NDUFS1: variants seen among roughly 807,000 people sequenced by gnomAD.
The protein encoded by NDUFS1 is NADH:ubiquinone oxidoreductase core subunit S1, also known as NADH-ubiquinone oxidoreductase 75 kDa subunit, mitochondrial.
In NDUFS1, 61 loss-of-function variants were observed where a neutral mutation model predicts 84.4. That is an observed-to-expected ratio of 0.72 (90% confidence interval 0.59 to 0.89). NDUFS1 has a LOEUF of 0.89. Ranked by LOEUF, NDUFS1 falls within the 40% of genes least tolerant of loss-of-function variation. The pLI, the probability that NDUFS1 is intolerant of heterozygous loss-of-function variation, is 0.00. For synonymous variants in NDUFS1, 275 were observed against 290.0 expected (o/e 0.95, Z 0.53); for missense variants, 891 against 890.0 (o/e 1.00, Z -0.01).
Position 206,121,174 on chromosome 2 carries a change from C to T in NDUFS1, c.*3011G>A, listed in dbSNP as rs1691084507. 6.6e-6 allele frequency: 1 copy of T among 152,152 alleles called. No individual in the cohort carries two copies. The highest frequency in any genetic ancestry group is 6.6e-5 in the Admixed American group (1 of 15,258). The allele number at this position is 152,152 out of a possible 1,614,324, so 9.4% of individuals were successfully genotyped here. ...GGAAATGGTATTATTATTCCAAGGT[C>T]TTTCTAGATTGCCTTATTCACCTAA... On this transcript the variant is annotated 3_prime_UTR_variant, in exon 19 of 19. Transcript: ENST00000233190.
intron 15 of NDUFS1, among the ~76,000 whole-genome samples, chr2:206,128,408 C>T (rs1691377482): frequency 1.3e-5 from 2 of 151,484 alleles, no homozygotes; most frequent in East Asian, 2.0e-4. Flanking sequence ...CCTTGTGATC[C>T]ACCCGCCTCA....
In NDUFS1 at chr2:206,127,784, T is replaced by G; in HGVS notation, c.1884+13A>C. 1.2e-6 allele frequency: 2 copies of G among 1,613,588 alleles called. 1 individual carries two copies. Among genetic ancestry groups the G allele is most frequent in the South Asian group, 2.2e-5 (2 of 91,058 alleles). ...TTTAGTAGCATCACTAAGAAATGACTCAGAAATTATACCTCAGAGAGTGCT... is the reference window on the plus strand; with the variant it reads ...TTTAGTAGCATCACTAAGAAATGACGCAGAAATTATACCTCAGAGAGTGCT... On this transcript the variant is annotated intron_variant, in intron 16 of 18. Coordinates refer to ENST00000233190, the MANE Select transcript of NDUFS1 (RefSeq NM_005006.7).
Position 206,138,582 on chromosome 2 carries a change from A to G in NDUFS1, c.1295T>C (p.Ile432Thr), listed in dbSNP as rs1461653368. 6 of 1,613,888 alleles carry G rather than the reference A, an allele frequency of 3.7e-6. No individual in the cohort carries two copies. The highest frequency in any genetic ancestry group is 5.1e-6 in the Non-Finnish European group (6 of 1,179,874). Residue 432 changes from isoleucine (I) to threonine (T), a missense_variant, in exon 13 of 19, where the codon ATA (isoleucine) becomes ACA (threonine). Physicochemically the swap from Ile to Thr is moderately conservative, Grantham distance 89. Coordinates refer to ENST00000233190, the MANE Select transcript of NDUFS1 (RefSeq NM_005006.7). ...WLHNDLKVALIGSPVDLTYTY... is the reference protein window; with the variant it reads ...WLHNDLKVALTGSPVDLTYTY... ...GTAAGTGAGGTCCACTGGACTGCCTATAAGGGCCACTTTTAAGTCATTATG... is the reference window on the plus strand; with the variant it reads ...GTAAGTGAGGTCCACTGGACTGCCTGTAAGGGCCACTTTTAAGTCATTATG...
intron 18 of NDUFS1, 113 bp downstream of exon 18, chr2:206,126,426 G>A (rs1691293412): frequency 2.0e-6 from 2 of 983,514 alleles, no homozygotes; most frequent in Non-Finnish European, 3.2e-6. Flanking sequence ...AACCTTCAAA[G>A]ATTAAGAATT....
chr2:206,158,017 G>T (rs1022354575), intron 1 of NDUFS1, among the ~76,000 whole-genome samples: 1 of 146,910 alleles, frequency 6.8e-6, no homozygotes, highest in Non-Finnish European at 1.5e-5. Flanking sequence ...AGGCTGGAGT[G>T]CAGCGGAGCG....
At chr2:206,141,001 A>C (rs948819407) in intron 12 of NDUFS1, among the ~76,000 whole-genome samples, 4 of 151,382 alleles carry the variant, frequency 2.6e-5, no homozygotes, top group African/African-American at 9.8e-5. Context: ...CAGTTAATCT[A>C]TGTGAACAAT....
Position 206,152,438 on chromosome 2 carries a change from G to A in NDUFS1, c.134C>T (p.Pro45Leu), listed in dbSNP as rs777219558. Reference sequence around the variant, plus strand: ...GCCTACTTGGAGGACGGTCGTTCCCGGTTCCACCATGACAGACTGACCATC... The same window carrying A: ...GCCTACTTGGAGGACGGTCGTTCCCAGTTCCACCATGACAGACTGACCATC... ...FVDGQSVMVE[P>L]GTTVLQACEK... The change falls in exon 3 of 19, where the codon CCG becomes CTG. Residue 45 changes from proline (P) to leucine (L), a missense_variant. By Grantham distance (98) the Pro-to-Leu change is moderately conservative. Coordinates refer to ENST00000233190, the MANE Select transcript of NDUFS1 (RefSeq NM_005006.7). 6.2e-5 allele frequency: 100 copies of A among 1,613,856 alleles called. No individual in the cohort carries two copies. Among genetic ancestry groups the A allele is most frequent in the Admixed American group, 8.3e-5 (5 of 59,992 alleles).
intron 12 of NDUFS1, 72 bp from the exon 13 acceptor site, chr2:206,138,686 GATAC>G: frequency 6.9e-7 from 1 of 1,441,670 alleles, no homozygotes; most frequent in South Asian, 1.1e-5. Flanking sequence ...AATCCTAAGT[GATAC>G]ATCTATTTAC....
In NDUFS1 at chr2:206,143,951, C is replaced by CT. The variant is rs35409448; in HGVS notation, c.987+66_987+67insA. 566,741 of 1,292,276 alleles carry CT rather than the reference C, an allele frequency of 0.44. 131,512 individuals carry two copies. Among genetic ancestry groups the CT allele is most frequent in the African/African-American group, 0.73 (49,925 of 67,932 alleles). The allele number at this position is 1,292,276 out of a possible 1,614,324, so 80.1% of individuals were successfully genotyped here. On this transcript the variant is annotated intron_variant, in intron 10 of 18. Transcript: ENST00000233190. ...AAAAGGGAAGAAATATACATCCCCCCCTTCATGGCAAAGATGTTTCTTGAT... is the reference window on the plus strand; with the variant it reads ...AAAAGGGAAGAAATATACATCCCCCCTCTTCATGGCAAAGATGTTTCTTGAT...
At chr2:206,138,008 G>A (rs1691786129) in intron 13 of NDUFS1, among the ~76,000 whole-genome samples, 1 of 152,110 alleles carries the variant, frequency 6.6e-6, no homozygotes, top group African/African-American at 2.4e-5. Context: ...GAGAGATTAT[G>A]ATGTTTTATC....
chr2:206,142,808 A>T lies in NDUFS1; in HGVS notation c.1011T>A (p.Asp337Glu), dbSNP rs774948508. 1.9e-6 allele frequency: 3 copies of T among 1,614,216 alleles called. No homozygotes were observed. In the South Asian group the frequency reaches 3.3e-5, roughly 18 times the overall value. Residue 337 changes from aspartate (D) to glutamate (E), a missense_variant, in exon 11 of 19, where the codon GAT becomes GAA. Transcript: ENST00000233190. Reference protein sequence around the residue: ...AGMLQSFQGKDVAAIAGGLVD... With the variant: ...AGMLQSFQGKEVAAIAGGLVD... ...CCAAGCCACCTGCAATTGCTGCCACATCTTTGCCTTGAAAACTCTGCAACT... is the reference window on the plus strand; with the variant it reads ...CCAAGCCACCTGCAATTGCTGCCACTTCTTTGCCTTGAAAACTCTGCAACT...
At position 206,122,061 on chromosome 2, in the gene NDUFS1, A is replaced by G. The variant is rs1404491787; in HGVS notation, c.*2124T>C. The G allele has an allele frequency of 6.6e-6, 1 of 152,158 alleles. No individual in the cohort carries two copies. The highest frequency in any genetic ancestry group is 1.5e-5 in the Non-Finnish European group (1 of 68,034). 9.4% of individuals were successfully genotyped at this position (152,158 alleles called of 1,614,324 possible). ...CTGGGCATTTTAGGCAAAGCACACA[A>G]CTTCATGATGTATCACTGAGGAGGA... is the stretch of plus-strand genomic sequence containing the variant. On this transcript the variant is annotated 3_prime_UTR_variant, in exon 19 of 19. Transcript: ENST00000233190.
chr2:206,143,091 A>G (rs1692025890), intron 10 of NDUFS1, among the ~76,000 whole-genome samples: 2 of 152,144 alleles, frequency 1.3e-5, no homozygotes, highest in African/African-American at 4.8e-5. Flanking sequence ...ATCTCTACTA[A>G]TAATACAAAA....
chr2:206,142,041 TAAG>T lies in NDUFS1; in HGVS notation c.1159_1161del (p.Leu387del), dbSNP rs1284748620. 2.5e-6 allele frequency: 4 copies of T among 1,605,482 alleles called. No individual in the cohort carries two copies. The highest frequency in any genetic ancestry group is 3.4e-6 in the Non-Finnish European group (4 of 1,172,198). On this transcript the variant is annotated inframe_deletion, in exon 12 of 19. Transcript: ENST00000233190. ...TCTTCCACACCAGCAATTGTAGTAT[TAAG>T]AAGATAATTGGAACGCAAATCTGTG... is the stretch of plus-strand genomic sequence containing the variant.
chr2:206,122,231 C>T lies in NDUFS1; in HGVS notation c.*1954G>A, dbSNP rs551735069. On this transcript the variant is annotated 3_prime_UTR_variant, in exon 19 of 19. Coordinates refer to ENST00000233190, the MANE Select transcript of NDUFS1 (RefSeq NM_005006.7). Reference sequence around the variant, plus strand: ...CTCAACTGATCTTCCTGCCTTGAACCCCCAAAATGCTGGGCTTACAGGTGT... The same window carrying T: ...CTCAACTGATCTTCCTGCCTTGAACTCCCAAAATGCTGGGCTTACAGGTGT... 3.3e-5 allele frequency: 5 copies of T among 151,356 alleles called. No individual in the cohort carries two copies. Among genetic ancestry groups the T allele is most frequent in the Non-Finnish European group, 7.4e-5 (5 of 67,824 alleles). 9.4% of individuals were successfully genotyped at this position (151,356 alleles called of 1,614,324 possible). A position where few individuals can be genotyped will look rare whatever the true frequency, so the allele number is the denominator to read the frequency against.
chr2:206,151,265 A>T (rs934070832), intron 3 of NDUFS1, among the ~76,000 whole-genome samples: 2 of 152,178 alleles, frequency 1.3e-5, no homozygotes. Context: ...CTTCCTCAAT[A>T]ACTTGATTTC....
intron 3 of NDUFS1, among the ~76,000 whole-genome samples, chr2:206,151,529 C>G (rs1442755853): frequency 6.6e-6 from 1 of 152,204 alleles, no homozygotes; most frequent in African/African-American, 2.4e-5. Flanking sequence ...ACATTTATAT[C>G]ATATTTTGTG....
At chr2:206,150,102 G>A (rs186369280) in intron 3 of NDUFS1, among the ~76,000 whole-genome samples, 177 bp from the exon 4 acceptor site, 3 of 142,778 alleles carry the variant, frequency 2.1e-5, no homozygotes, top group East Asian at 1.9e-4. Context: ...ATTCTAACCC[G>A]TCTCCTCTGA....
At chr2:206,142,096 ATTTAC>A (rs1691985211) in intron 11 of NDUFS1, 27 bp from the exon 12 acceptor site, 9 of 1,556,138 alleles carry the variant, frequency 5.8e-6, no homozygotes, top group Non-Finnish European at 8.0e-6. Context: ...TAAAATGCAA[ATTTAC>A]TTTAAAATTA....
Sources: allele counts gnomAD v4.1 joint callset (sites outside exome capture counted in the v4.1 genomes callset), GRCh38; gene constraint gnomAD v4.1.1; transcripts MANE v1.5; gene names NCBI Gene and HGNC (gene_info 2026-07-23, HGNC 2026-07-21).